The following DOCK1 variants were observed in gnomAD, a reference collection of about 807,000 sequenced individuals.
DOCK1 encodes the protein dedicator of cytokinesis 1.
DOCK1 carries 138 observed loss-of-function variants against 262.7 expected under a neutral mutation model. The ratio of observed to expected loss-of-function variants is 0.53; its 90% confidence interval spans 0.46 to 0.61. The LOEUF (loss-of-function observed/expected upper bound fraction) is 0.61. Among genes scored for constraint, DOCK1 ranks in the 20% least tolerant of loss-of-function variants. The probability of loss-of-function intolerance (pLI) is 0.00; values close to 1 mark genes in which losing one functional copy is unlikely to be tolerated. For missense variants in DOCK1, 1,908 were observed against 2,370.7 expected (o/e 0.80, Z 4.05); for synonymous variants, 866 against 867.4 (o/e 1.00, Z 0.03).
intron 30 of DOCK1, among the ~76,000 whole-genome samples, chr10:127,341,472 T>C (rs2063422024): frequency 6.6e-6 from 1 of 152,252 alleles, no homozygotes; most frequent in South Asian, 2.1e-4. Context: ...TCCCATTGAA[T>C]TGATAAATAA....
intron 23 of DOCK1, among the ~76,000 whole-genome samples, chr10:127,067,835 C>T (rs761809531): frequency 6.6e-6 from 1 of 152,050 alleles, no homozygotes; most frequent in Non-Finnish European, 1.5e-5. Context: ...CTTCCATTGT[C>T]GTGTAGAGCC....
chr10:126,931,019 G>A (rs1321997009), intron 1 of DOCK1, among the ~76,000 whole-genome samples: 3 of 152,252 alleles, frequency 2.0e-5, no homozygotes, highest in Admixed American at 6.5e-5. Context: ...GATTCCCTGC[G>A]TCGAGGATGG....
In DOCK1 at chr10:126,968,190, G is replaced by A. The variant is rs377488967; in HGVS notation, c.47-2512G>A. On this transcript the variant is annotated intron_variant, in intron 1 of 51. Coordinates refer to ENST00000623213, the MANE Select transcript of DOCK1 (RefSeq NM_001290223.2). ...TGTGGCCGTGAAAGCTTTTGGAGTC[G>A]TCTTTGGAGGGCTGTTACTCTATCT... Among the ~76,000 whole-genome samples, 199 of 152,230 alleles carry A rather than the reference G, an allele frequency of 1.3e-3. 1 individual carries two copies. Among genetic ancestry groups the A allele is most frequent in the African/African-American group, 4.7e-3 (194 of 41,526 alleles).
At chr10:127,162,605 G>A (rs1282054039) in intron 27 of DOCK1, among the ~76,000 whole-genome samples, 1 of 152,160 alleles carries the variant, frequency 6.6e-6, no homozygotes, top group Non-Finnish European at 1.5e-5. Context: ...GCCAGGAATC[G>A]AGATTTAAAC....
intron 51 of DOCK1, among the ~76,000 whole-genome samples, chr10:127,451,043 C>T (rs553039445): frequency 2.6e-5 from 4 of 152,206 alleles, no homozygotes; most frequent in African/African-American, 9.6e-5. Flanking sequence ...ATAACTTGGT[C>T]GATAGCATCT....
intron 27 of DOCK1, among the ~76,000 whole-genome samples, chr10:127,245,145 CA>C (rs1352074549): frequency 1.3e-5 from 2 of 151,938 alleles, no homozygotes; most frequent in Non-Finnish European, 2.9e-5. Context: ...AGTATTTGCC[CA>C]AAAAAATACT....
chr10:126,944,198 T>C (rs933813185), intron 1 of DOCK1, among the ~76,000 whole-genome samples: 1 of 147,924 alleles, frequency 6.8e-6, no homozygotes, highest in Non-Finnish European at 1.5e-5. Flanking sequence ...CCTGACTGAT[T>C]GGTTGTAGAC....
At chr10:127,316,123 C>G (rs2062267825) in intron 29 of DOCK1, among the ~76,000 whole-genome samples, 1 of 152,138 alleles carries the variant, frequency 6.6e-6, no homozygotes, top group Non-Finnish European at 1.5e-5. Context: ...ATTCACGTAT[C>G]CATCATCTCA....
intron 29 of DOCK1, among the ~76,000 whole-genome samples, chr10:127,302,961 A>C (rs1291655485): frequency 6.6e-6 from 1 of 152,142 alleles, no homozygotes; most frequent in Non-Finnish European, 1.5e-5. Context: ...GTGACATTAA[A>C]TTTTTTACTG....
intron 31 of DOCK1, among the ~76,000 whole-genome samples, chr10:127,353,527 G>A (rs562162781): frequency 1.4e-4 from 21 of 152,308 alleles, no homozygotes; most frequent in South Asian, 2.1e-4. Flanking sequence ...ATGCTGGGCC[G>A]TCTCCCCAGC....
chr10:127,392,019 A>G (rs1001708359), intron 38 of DOCK1, among the ~76,000 whole-genome samples: 6 of 93,082 alleles, frequency 6.4e-5, no homozygotes, highest in Non-Finnish European at 5.0e-5. Flanking sequence ...GTACCCTCTC[A>G]TCACCCACAG....
At chr10:127,402,480 C>T (rs2067278437) in intron 38 of DOCK1, among the ~76,000 whole-genome samples, 1 of 152,182 alleles carries the variant, frequency 6.6e-6, no homozygotes, top group Non-Finnish European at 1.5e-5. Context: ...ACAAAGTTCC[C>T]CCTTTTCAAA....
At chr10:127,189,197 T>C (rs2056541625) in intron 27 of DOCK1, among the ~76,000 whole-genome samples, 1 of 152,248 alleles carries the variant, frequency 6.6e-6, no homozygotes, top group Non-Finnish European at 1.5e-5. Context: ...TGTACGGTTG[T>C]CTTAGACTTA....
chr10:127,412,002 G>C (rs898626175), intron 43 of DOCK1, among the ~76,000 whole-genome samples: 3 of 150,964 alleles, frequency 2.0e-5, no homozygotes, highest in African/African-American at 7.3e-5. Context: ...TCGCTCTGTC[G>C]CCCAAGCTGG....
chr10:127,036,981 G>GAAAAAAAAAAAAAA (rs11429952), intron 18 of DOCK1, among the ~76,000 whole-genome samples: 133 of 127,744 alleles, frequency 1.0e-3, no homozygotes, highest in East Asian at 3.0e-3. Context: ...CCATCTCAAG[G>GAAAAAAAAAAAAAA]AAAAAAAAAA....
At chr10:126,950,718 A>G (rs2036140493) in intron 1 of DOCK1, among the ~76,000 whole-genome samples, 1 of 152,094 alleles carries the variant, frequency 6.6e-6, no homozygotes, top group Admixed American at 6.6e-5. Context: ...TCTTTGCCTC[A>G]GAGTCTTTGT....
At chr10:127,449,055 A>T (rs768093915) in intron 51 of DOCK1, among the ~76,000 whole-genome samples, 3 of 152,186 alleles carry the variant, frequency 2.0e-5, no homozygotes, top group Non-Finnish European at 2.9e-5. Context: ...GTGCCATTTA[A>T]ACAGGCTCCC....
chr10:126,959,920 C>T (rs2037066545), intron 1 of DOCK1, among the ~76,000 whole-genome samples: 1 of 152,128 alleles, frequency 6.6e-6, no homozygotes, highest in South Asian at 2.1e-4. Context: ...CGGGTTTCTC[C>T]TGCCTCAGCT....
At chr10:127,250,486 G>T (rs1348563871) in intron 28 of DOCK1, among the ~76,000 whole-genome samples, 2 of 152,064 alleles carry the variant, frequency 1.3e-5, no homozygotes, top group East Asian at 3.9e-4. Flanking sequence ...TAGACAATTT[G>T]ACTTCCATTA....
Sources: allele counts gnomAD v4.1 joint callset (sites outside exome capture counted in the v4.1 genomes callset), GRCh38; gene constraint gnomAD v4.1.1; transcripts MANE v1.5; gene names NCBI Gene and HGNC (gene_info 2026-07-23, HGNC 2026-07-21).